The following ARMC3 variants were observed in gnomAD, a reference collection of about 807,000 sequenced individuals.
ARMC3 encodes armadillo repeat containing 3.
A neutral mutation model predicts 90.3 loss-of-function variants in ARMC3; 74 were observed. That is an observed-to-expected ratio of 0.82 (90% CI 0.68 to 0.99). The LOEUF (loss-of-function observed/expected upper bound fraction) is 0.99. Ranked by LOEUF, ARMC3 falls within the 50% of genes least tolerant of loss-of-function variation. The pLI is 0.00. For synonymous variants in ARMC3, 334 were observed against 361.8 expected, an observed-to-expected ratio of 0.92 and a Z score of 0.87; for missense variants, 958 against 1,042.8, an observed-to-expected ratio of 0.92 and a Z score of 1.12.
intron 16 of ARMC3, among the ~76,000 whole-genome samples, chr10:23,023,668 G>T (rs961347805): frequency 6.6e-6 from 1 of 152,176 alleles, no homozygotes; most frequent in Admixed American, 6.5e-5. Context: ...GAACCAAATA[G>T]AAATTATAGA....
chr10:22,963,037 C>T (rs1434759961), intron 7 of ARMC3, among the ~76,000 whole-genome samples: 1 of 152,102 alleles, frequency 6.6e-6, no homozygotes, highest in African/African-American at 2.4e-5. Context: ...ACTTAATTTG[C>T]CTTATGTCAC....
intron 10 of ARMC3, among the ~76,000 whole-genome samples, chr10:22,987,835 A>G (rs1166707799): frequency 6.6e-6 from 1 of 152,180 alleles, no homozygotes; most frequent in Admixed American, 6.5e-5. Flanking sequence ...CAGTGACCCA[A>G]GAAAGTTCTA....
At chr10:22,936,718 A>C (rs1274600409) in intron 2 of ARMC3, among the ~76,000 whole-genome samples, 1 of 152,152 alleles carries the variant, frequency 6.6e-6, no homozygotes, top group African/African-American at 2.4e-5. Context: ...TGTTATAGCT[A>C]TCATTTATTC....
At chr10:22,957,381 G>A (rs1174714234) in intron 4 of ARMC3, among the ~76,000 whole-genome samples, 18 of 152,194 alleles carry the variant, frequency 1.2e-4, no homozygotes, top group Admixed American at 1.2e-3. Flanking sequence ...GCGGGCAGCT[G>A]CAGTGCTGGA....
At position 23,032,995 on chromosome 10, in the gene ARMC3, T is replaced by A. The variant is rs746167329; in HGVS notation, c.2381T>A (p.Ile794Asn). The change falls in exon 18 of 19, where the codon ATC (isoleucine) becomes AAC (asparagine). Residue 794 changes from isoleucine (I) to asparagine (N), a missense_variant. Ile to Asn is a moderately radical substitution (Grantham distance 149, BLOSUM62 -3). Transcript: ENST00000298032. ...VIPIGHVKKG[I>N]FYHRALLFKA... ...CCGATTGGACATGTCAAAAAAGGAA[T>A]CTTCTACCATCGAGCTTTGCTTTTC... 1 of 1,612,838 alleles carries A rather than the reference T, an allele frequency of 6.2e-7. No individual in the cohort carries two copies. Among genetic ancestry groups the A allele is most frequent in the Non-Finnish European group, 8.5e-7 (1 of 1,179,274 alleles).
intron 16 of ARMC3, among the ~76,000 whole-genome samples, chr10:23,015,668 C>T (rs1406186398): frequency 2.0e-5 from 3 of 152,220 alleles, no homozygotes; most frequent in Non-Finnish European, 4.4e-5. Flanking sequence ...GTCACTCACA[C>T]AATCTTGATC....
rs542964885 is a variant in ARMC3, at chr10:23,037,742, A to G, written c.*263A>G. 231 of 366,562 alleles carry G rather than the reference A, an allele frequency of 6.3e-4. No individual in the cohort carries two copies. Among genetic ancestry groups the G allele is most frequent in the Non-Finnish European group, 1.0e-3 (205 of 200,618 alleles). 22.7% of individuals were successfully genotyped at this position (366,562 alleles called of 1,614,324 possible). ...AGCTGATTGTTGTCGAAATTCATCC[A>G]GCCCACTGTGTCCTGAGGAGCGTCT... is the stretch of plus-strand genomic sequence containing the variant. On this transcript the variant is annotated 3_prime_UTR_variant, in exon 19 of 19. Transcript: ENST00000298032.
At chr10:23,028,156 G>GAAC (rs745619850) in intron 16 of ARMC3, among the ~76,000 whole-genome samples, 1 of 151,834 alleles carries the variant, frequency 6.6e-6, no homozygotes, top group Non-Finnish European at 1.5e-5. Context: ...AACAAACAAA[G>GAAC]AACAACAACA....
In ARMC3 at chr10:23,002,043, T is replaced by TA. The variant is rs1173737778; in HGVS notation, c.1551dup (p.Cys518MetfsTer10). On this transcript the variant is annotated frameshift_variant, in exon 12 of 19. Coordinates refer to ENST00000298032, the MANE Select transcript of ARMC3 (RefSeq NM_173081.5). LOFTEE classifies it high-confidence loss of function. ...GGTGACGAGCTGACGGCCAATGAAT[T>TA]ATGCAGGCTCGGGTGAGTGGATGCC... The TA allele has an allele frequency of 2.5e-6, 4 of 1,613,668 alleles. No individual in the cohort carries two copies. Among genetic ancestry groups the TA allele is most frequent in the Non-Finnish European group, 3.4e-6 (4 of 1,179,734 alleles).
At chr10:23,018,009 C>T (rs1194462942) in intron 16 of ARMC3, among the ~76,000 whole-genome samples, 1 of 152,156 alleles carries the variant, frequency 6.6e-6, no homozygotes, top group Non-Finnish European at 1.5e-5. Context: ...TCACGGAGAG[C>T]AGTGTGGTAG....
At position 23,000,893 on chromosome 10, in the gene ARMC3, G is replaced by A. The variant is rs557009457; in HGVS notation, c.1426-1026G>A. On this transcript the variant is annotated intron_variant, in intron 11 of 18. Coordinates refer to ENST00000298032, the MANE Select transcript of ARMC3 (RefSeq NM_173081.5). ...ATAGATAATGCAGCATTACATTTCA[G>A]ACATGAGACAAGAACTCTGCCCAAT... Among the ~76,000 whole-genome samples the A allele has an allele frequency of 3.3e-5, 5 of 152,102 alleles. No homozygotes were observed. In the South Asian group the frequency reaches 6.2e-4, roughly 19 times the overall value.
intron 16 of ARMC3, among the ~76,000 whole-genome samples, chr10:23,028,763 A>C (rs950111932): frequency 2.0e-5 from 3 of 152,188 alleles, no homozygotes; most frequent in African/African-American, 7.2e-5. Flanking sequence ...ATAGCAGTCT[A>C]TCCAGTAGTT....
At position 22,981,475 on chromosome 10, in the gene ARMC3, A is replaced by T. The variant is rs1475337068; in HGVS notation, c.1052A>T (p.Asp351Val). 3.1e-6 allele frequency: 5 copies of T among 1,613,656 alleles called. No individual in the cohort carries two copies. The highest frequency in any genetic ancestry group is 4.2e-6 in the Non-Finnish European group (5 of 1,179,958). The change falls in exon 9 of 19, where the codon GAT (aspartate) becomes GTT (valine). Residue 351 changes from aspartate to valine, a missense_variant. Physicochemically the swap from Asp to Val is radical, Grantham distance 152. Transcript: ENST00000298032. ...SAMCENSGSK[D>V]FFNNQGIPQL... ...ATGTGTGAGAATTCAGGCAGCAAAGATTTTTTCAATAATCAGGGTAAGTCA... is the reference window on the plus strand; with the variant it reads ...ATGTGTGAGAATTCAGGCAGCAAAGTTTTTTTCAATAATCAGGGTAAGTCA...
intron 10 of ARMC3, 23 bp downstream of exon 10, chr10:22,981,723 A>G (rs903042772): frequency 6.3e-7 from 1 of 1,582,754 alleles, no homozygotes. Context: ...ATCCTCACCC[A>G]GCACTGACTT....
intron 3 of ARMC3, among the ~76,000 whole-genome samples, chr10:22,952,749 C>T (rs1474408551): frequency 6.6e-6 from 1 of 152,054 alleles, no homozygotes; most frequent in African/African-American, 2.4e-5. Context: ...GTCAGTATGC[C>T]TTATTAACAT....
At chr10:23,034,477 A>C (rs574161181) in intron 18 of ARMC3, among the ~76,000 whole-genome samples, 2 of 152,180 alleles carry the variant, frequency 1.3e-5, no homozygotes, top group Non-Finnish European at 2.9e-5. Flanking sequence ...CTGGAGAAAT[A>C]ATTTTACCCA....
chr10:22,963,599 TAACA>T (rs965997627), intron 7 of ARMC3, among the ~76,000 whole-genome samples: 23 of 151,760 alleles, frequency 1.5e-4, no homozygotes, highest in African/African-American at 5.3e-4. Flanking sequence ...CACAAAAGAC[TAACA>T]AACTGGGGCC....
At chr10:23,012,411 C>T (rs1268237863) in intron 16 of ARMC3, among the ~76,000 whole-genome samples, 1 of 152,094 alleles carries the variant, frequency 6.6e-6, no homozygotes, top group African/African-American at 2.4e-5. Flanking sequence ...TACTCCTGTT[C>T]CTACTCTCCA....
intron 3 of ARMC3, 169 bp downstream of exon 3, chr10:22,946,430 G>A: frequency 2.2e-6 from 1 of 462,322 alleles, no homozygotes; most frequent in Non-Finnish European, 3.8e-6. Flanking sequence ...CTCTTCCTGA[G>A]TTCCTAGCTT....
Sources: gnomAD v4.1 joint callset for allele counts (sites outside exome capture counted in the v4.1 genomes callset) on GRCh38, gnomAD v4.1.1 for gene constraint, MANE v1.5 for transcripts, NCBI Gene and HGNC (gene_info 2026-07-23, HGNC 2026-07-21) for gene names.